LPAR3: variants seen among roughly 807,000 people sequenced by gnomAD.
LPAR3 encodes LPA receptor 3.
Under a neutral mutation model 17.8 loss-of-function variants are expected in LPAR3, and 7 were observed. The observed-to-expected ratio is 0.39, with a 90% CI of 0.22 to 0.74. The LOEUF is 0.74. LPAR3 is among the 30% of genes least tolerant of loss of function. The pLI is 0.40. For missense variants in LPAR3, 391 were observed against 453.4 expected (o/e 0.86, Z 1.25); for synonymous variants, 179 against 179.9 (o/e 0.99, Z 0.04).
chr1:84,841,046 T>C (rs1659494553), intron 2 of LPAR3, among the ~76,000 whole-genome samples: 2 of 152,234 alleles, frequency 1.3e-5, no homozygotes, highest in African/African-American at 4.8e-5. Context: ...TCACTGGAAT[T>C]TCCTTGTGAA....
At position 84,832,966 on chromosome 1, in the gene LPAR3, A is replaced by C. The variant is rs186987008; in HGVS notation, c.737-18795T>G. Among the ~76,000 whole-genome samples the C allele has an allele frequency of 3.5e-3, 538 of 152,222 alleles. 6 individuals are homozygous for C. Among genetic ancestry groups the C allele is most frequent in the Non-Finnish European group, 2.6e-3 (179 of 67,986 alleles). ...TGAGTAAGTCAAAATGTGTAAACAA[A>C]AATAAATATTTTGTAAATTGTTAAT... On this transcript the variant is annotated intron_variant, in intron 2 of 2. Coordinates refer to ENST00000370611, the MANE Select transcript of LPAR3 (RefSeq NM_012152.3).
intron 2 of LPAR3, among the ~76,000 whole-genome samples, chr1:84,860,846 C>T (rs924621291): frequency 4.0e-5 from 6 of 149,902 alleles, no homozygotes; most frequent in Non-Finnish European, 8.9e-5. Flanking sequence ...TCAACCAATT[C>T]TCCTGCCTCA....
rs1248296860 is a variant in LPAR3 at position 84,814,068 on chromosome 1, C to A, written c.840G>T (p.Leu280=). Residue 280 remains leucine (L), a synonymous_variant, in exon 3 of 3, where the codon CTG becomes CTT. Transcript: ENST00000370611. The part of the protein sequence containing the change: ...GVQHVKRWFL[L]LALLNSVVNP... ...TCACGACGGAGTTGAGCAGCGCCAG[C>A]AGCAGGAACCACCTTTTCACATGCT... 3 of 1,614,048 alleles carry A rather than the reference C, an allele frequency of 1.9e-6. No individual in the cohort carries two copies. The highest frequency in any genetic ancestry group is 1.7e-5 in the Admixed American group (1 of 60,000).
chr1:84,846,555 C>A (rs1050614298), intron 2 of LPAR3, among the ~76,000 whole-genome samples: 5 of 152,038 alleles, frequency 3.3e-5, no homozygotes, highest in Non-Finnish European at 7.4e-5. Context: ...TATTTTTGGG[C>A]AAAACTTCAT....
intron 1 of LPAR3, among the ~76,000 whole-genome samples, chr1:84,886,408 C>T (rs1053021399): frequency 3.3e-5 from 5 of 152,070 alleles, no homozygotes; most frequent in Admixed American, 3.3e-4. Flanking sequence ...CACCTGGAGT[C>T]CTAGCTACTT....
chr1:84,827,897 A>G (rs1331288846), intron 2 of LPAR3, among the ~76,000 whole-genome samples: 5 of 152,126 alleles, frequency 3.3e-5, no homozygotes, highest in Non-Finnish European at 5.9e-5. Context: ...TCATATCCAC[A>G]TGGGCTAATT....
At position 84,865,457 on chromosome 1, in the gene LPAR3, G is replaced by A. The variant is rs777382809; in HGVS notation, c.664C>T (p.Pro222Ser). The A allele has an allele frequency of 6.2e-7, 1 of 1,614,086 alleles. No individual in the cohort carries two copies. The highest frequency in any genetic ancestry group is 8.5e-7 in the Non-Finnish European group (1 of 1,180,052). The change falls in exon 2 of 3, where the codon CCG becomes TCG. Residue 222 changes from proline to serine, a missense_variant. Pro to Ser is a moderately conservative substitution (Grantham distance 74). Transcript: ENST00000370611. Reference sequence around the variant, plus strand: ...CGGCTGATGGACCCACTTGTATGCGGAGACAAGACGTTGGTTTTCCTCTTG... The same window carrying A: ...CGGCTGATGGACCCACTTGTATGCGAAGACAAGACGTTGGTTTTCCTCTTG... ...YVKRKTNVLS[P>S]HTSGSISRRR... is the part of the protein sequence containing the mutation.
At chr1:84,864,545 T>C (rs1253408898) in intron 2 of LPAR3, among the ~76,000 whole-genome samples, 1 of 152,174 alleles carries the variant, frequency 6.6e-6, no homozygotes, top group Non-Finnish European at 1.5e-5. Flanking sequence ...GTCACTCCCC[T>C]GTTTAAAACC....
chr1:84,837,745 T>C (rs1267566481), intron 2 of LPAR3, among the ~76,000 whole-genome samples: 3 of 152,220 alleles, frequency 2.0e-5, no homozygotes, highest in Admixed American at 2.0e-4. Context: ...CTGCAGGTTG[T>C]AATCAAACTT....
At chr1:84,819,086 C>T (rs897015437) in intron 2 of LPAR3, among the ~76,000 whole-genome samples, 5 of 152,086 alleles carry the variant, frequency 3.3e-5, no homozygotes, top group East Asian at 3.9e-4. Context: ...AGTGTTTGTC[C>T]TTCCTTCCCG....
rs1660035773 is a variant in LPAR3, at chr1:84,865,875, G to A, written c.246C>T (p.Ala82=). ...CTGTGTTAAACATCAGGAATACATA[G>A]GCAATTCCAGCGAAGAAATCGGCAG... ...LAAADFFAGI[A]YVFLMFNTGP... is the part of the protein sequence containing the mutation. The change falls in exon 2 of 3, where the codon GCC becomes GCT. Residue 82 remains alanine, a synonymous_variant. Coordinates refer to ENST00000370611, the MANE Select transcript of LPAR3 (RefSeq NM_012152.3). The A allele has an allele frequency of 5.0e-6, 8 of 1,614,148 alleles. No homozygotes were observed. Among genetic ancestry groups the A allele is most frequent in the Middle Eastern group, 1.6e-4 (1 of 6,062 alleles).
intron 1 of LPAR3, among the ~76,000 whole-genome samples, chr1:84,867,744 ACT>A (rs1195746884): frequency 6.6e-6 from 1 of 152,158 alleles, no homozygotes; most frequent in Non-Finnish European, 1.5e-5. Context: ...AATAAAAATT[ACT>A]CTCTTTGGCA....
At chr1:84,890,109 C>T (rs1660526069) in intron 1 of LPAR3, among the ~76,000 whole-genome samples, 1 of 152,132 alleles carries the variant, frequency 6.6e-6, no homozygotes, top group Admixed American at 6.6e-5. Context: ...CTCTGCCATC[C>T]ACAGCAGGAC....
At chr1:84,889,808 T>G (rs1227926038) in intron 1 of LPAR3, among the ~76,000 whole-genome samples, 2 of 152,206 alleles carry the variant, frequency 1.3e-5, no homozygotes, top group South Asian at 2.1e-4. Flanking sequence ...ATGTCCTGCC[T>G]CTTTAATTCC....
At chr1:84,863,626 C>T (rs970661767) in intron 2 of LPAR3, among the ~76,000 whole-genome samples, 4 of 152,176 alleles carry the variant, frequency 2.6e-5, no homozygotes, top group South Asian at 2.1e-4. Flanking sequence ...GGTGAGCTCA[C>T]GCAGTCCTGT....
At chr1:84,868,709 T>C (rs111312164) in intron 1 of LPAR3, among the ~76,000 whole-genome samples, 3,554 of 152,192 alleles carry the variant, frequency 0.023, 45 homozygotes, top group Middle Eastern at 0.092. Flanking sequence ...GTGAGACCCT[T>C]TTTGCCACAC....
At chr1:84,882,496 C>T (rs555474060) in intron 1 of LPAR3, among the ~76,000 whole-genome samples, 10 of 152,272 alleles carry the variant, frequency 6.6e-5, no homozygotes, top group African/African-American at 2.4e-4. Context: ...TCCTAAAATT[C>T]ATCTGGAACT....
chr1:84,827,211 T>C lies in LPAR3; in HGVS notation c.737-13040A>G, dbSNP rs1324193157. ...TTTAAAATTTGTTCTATTAGTTGTA[T>C]ATTAAATCACAAAAAGCACAGGGAA... On this transcript the variant is annotated intron_variant, in intron 2 of 2. Coordinates refer to ENST00000370611, the MANE Select transcript of LPAR3 (RefSeq NM_012152.3). 2.0e-5 allele frequency among the ~76,000 whole-genome samples: 3 copies of C among 152,206 alleles called. No homozygotes were observed. In the East Asian group the frequency reaches 5.8e-4, roughly 29 times the overall value.
At chr1:84,860,814 C>T in intron 2 of LPAR3, among the ~76,000 whole-genome samples, 1 of 149,440 alleles carries the variant, frequency 6.7e-6, no homozygotes, top group Non-Finnish European at 1.5e-5. Flanking sequence ...TCTTGGCTCA[C>T]TGCAACCTCC....
Sources: allele counts gnomAD v4.1 joint callset (sites outside exome capture counted in the v4.1 genomes callset), GRCh38; gene constraint gnomAD v4.1.1; transcripts MANE v1.5; gene names NCBI Gene and HGNC (gene_info 2026-07-23, HGNC 2026-07-21).